Variants in TUBGCP5 observed in about 807,000 individuals in gnomAD.
TUBGCP5 encodes the protein tubulin gamma complex component 5.
Under a neutral mutation model 134.7 loss-of-function variants are expected in TUBGCP5, and 98 were observed. That is an observed-to-expected ratio of 0.73 (90% CI 0.62 to 0.86). The LOEUF is 0.86. Ranked by LOEUF, TUBGCP5 falls within the 40% of genes least tolerant of loss-of-function variation. TUBGCP5 has a pLI of 0.00. For missense variants in TUBGCP5, 1,150 were observed against 1,244.8 expected (o/e 0.92, Z 1.15); for synonymous variants, 456 against 431.4 (o/e 1.06, Z -0.71).
chr15:23,024,732 C>G lies in TUBGCP5; in HGVS notation c.921+5G>C. ...CTTAAATTACCATAAATACAAATAACTTACATGTGTTAAATGAGTTACTAT... is the reference window on the plus strand; with the variant it reads ...CTTAAATTACCATAAATACAAATAAGTTACATGTGTTAAATGAGTTACTAT... On this transcript the variant is annotated splice_donor_5th_base_variant and intron_variant, in intron 9 of 22. Transcript: ENST00000615383. 1 of 1,390,476 alleles carries G rather than the reference C, an allele frequency of 7.2e-7. No individual in the cohort carries two copies. Among genetic ancestry groups the G allele is most frequent in the South Asian group, 1.3e-5 (1 of 77,268 alleles). 86.1% of individuals were successfully genotyped at this position (1,390,476 alleles called of 1,614,324 possible). A position where few individuals can be genotyped will look rare whatever the true frequency, so the allele number is the denominator to read the frequency against.
chr15:23,014,346 G>A (rs2065200366), intron 13 of TUBGCP5, among the ~76,000 whole-genome samples: 1 of 152,212 alleles, frequency 6.6e-6, no homozygotes, highest in South Asian at 2.1e-4. Flanking sequence ...GGCATCTTTG[G>A]TTGGAGAAGA....
intron 1 of TUBGCP5, among the ~76,000 whole-genome samples, chr15:23,037,571 G>A (rs2066668895): frequency 6.6e-6 from 1 of 152,122 alleles, no homozygotes; most frequent in African/African-American, 2.4e-5. Flanking sequence ...CTGAGATACA[G>A]TTGTCAAATA....
intron 2 of TUBGCP5, 45 bp from the exon 3 acceptor site, chr15:23,037,050 T>TA (rs760900171): frequency 3.4e-5 from 54 of 1,597,666 alleles, no homozygotes; most frequent in Non-Finnish European, 4.4e-5. Flanking sequence ...AAAAGATCTA[T>TA]AAGAAAATAC....
intron 7 of TUBGCP5, among the ~76,000 whole-genome samples, chr15:23,026,449 T>C (rs774297585): frequency 2.6e-5 from 4 of 152,182 alleles, no homozygotes; most frequent in South Asian, 2.1e-4. Flanking sequence ...CTATGTAATG[T>C]TGTTTTCTGG....
chr15:22,991,257 C>A (rs1346907132), intron 23 of TUBGCP5, among the ~76,000 whole-genome samples: 2 of 152,032 alleles, frequency 1.3e-5, no homozygotes, highest in African/African-American at 4.8e-5. Flanking sequence ...ACCACCACAC[C>A]CGGCTAATTT....
downstream of TUBGCP5, among the ~76,000 whole-genome samples, chr15:22,994,244 C>T (rs775613274): frequency 2.1e-4 from 32 of 152,038 alleles, no homozygotes; most frequent in Non-Finnish European, 2.9e-5. Flanking sequence ...CCCACCACCA[C>T]GCCTGGCTAA....
At chr15:22,999,166 G>A (rs2064231227), downstream of TUBGCP5, 1 of 151,996 alleles carries the variant, frequency 6.6e-6, no homozygotes, top group African/African-American at 2.4e-5. Context: ...AGCAGCAAAA[G>A]GATAATAAAA....
chr15:23,009,098 T>C (rs1023926699), intron 15 of TUBGCP5, among the ~76,000 whole-genome samples: 2 of 152,088 alleles, frequency 1.3e-5, no homozygotes, highest in African/African-American at 4.8e-5. Context: ...TATAACATTA[T>C]AGAAAATTGG....
intron 18 of TUBGCP5, 155 bp downstream of exon 18, chr15:23,005,897 C>G (rs1213566320): frequency 2.5e-6 from 2 of 793,740 alleles, no homozygotes; most frequent in Non-Finnish European, 3.8e-6. Flanking sequence ...GAATACGCAC[C>G]ATTTTGGCAT....
At chr15:22,985,547 A>T (rs990423760) in intron 23 of TUBGCP5, among the ~76,000 whole-genome samples, 1 of 152,126 alleles carries the variant, frequency 6.6e-6, no homozygotes, top group African/African-American at 2.4e-5. Context: ...CAGCTTATTT[A>T]TAATCGCAAA....
chr15:23,009,048 C>T (rs1192805469), intron 15 of TUBGCP5, among the ~76,000 whole-genome samples, 167 bp from the exon 16 acceptor site: 1 of 152,036 alleles, frequency 6.6e-6, no homozygotes, highest in African/African-American at 2.4e-5. Flanking sequence ...ATAATAAAAA[C>T]AGCATAGGTT....
intron 3 of TUBGCP5, among the ~76,000 whole-genome samples, chr15:23,035,822 A>C (rs1248144836): frequency 6.6e-6 from 1 of 152,136 alleles, no homozygotes; most frequent in Non-Finnish European, 1.5e-5. Flanking sequence ...AGCAGACAAG[A>C]CTGCACAGCC....
downstream of TUBGCP5, among the ~76,000 whole-genome samples, chr15:22,997,973 A>G (rs563469912): frequency 1.1e-4 from 17 of 152,012 alleles, no homozygotes; most frequent in Non-Finnish European, 1.9e-4. Context: ...AAAATTTAAT[A>G]GTAAGCATAA....
chr15:23,025,723 C>T (rs1307834095), intron 8 of TUBGCP5, among the ~76,000 whole-genome samples: 2 of 150,906 alleles, frequency 1.3e-5, no homozygotes, highest in East Asian at 2.0e-4. Context: ...CCCAGCTACT[C>T]GGGAGGCTGA....
At chr15:23,039,370 G>A in intron 1 of TUBGCP5, 28 bp downstream of exon 1, 1 of 1,394,262 alleles carries the variant, frequency 7.2e-7, no homozygotes, top group Non-Finnish European at 9.4e-7. Context: ...CTGTGGCCGG[G>A]AACCCGCCCG....
rs114687816 is a variant in TUBGCP5, at chr15:23,037,258, T to C, written c.147-106A>G. 1.2e-3 allele frequency: 1,280 copies of C among 1,064,444 alleles called. 16 individuals are homozygous for C. In the African/African-American group the frequency reaches 0.018, roughly 15 times the overall value. 65.9% of individuals were successfully genotyped at this position (1,064,444 alleles called of 1,614,324 possible). A position where few individuals can be genotyped will look rare whatever the true frequency, so the allele number is the denominator to read the frequency against. On this transcript the variant is annotated intron_variant, in intron 1 of 22. Transcript: ENST00000615383. ...CATATGCTCTGTACTCAGCTACACATTTCCAGAATGGAGTGTACCTTGTCC... is the reference window on the plus strand; with the variant it reads ...CATATGCTCTGTACTCAGCTACACACTTCCAGAATGGAGTGTACCTTGTCC...
At chr15:23,003,642 T>G (rs1489296732) in intron 20 of TUBGCP5, among the ~76,000 whole-genome samples, 3 of 103,790 alleles carry the variant, frequency 2.9e-5, no homozygotes, top group African/African-American at 6.7e-5. Context: ...GTTTTTTTTT[T>G]TTTTTTTTTT....
intron 6 of TUBGCP5, among the ~76,000 whole-genome samples, chr15:23,030,600 T>TAAAAAAAAAAAAAAAA (rs1567162272): frequency 8.4e-6 from 1 of 118,768 alleles, no homozygotes; most frequent in African/African-American, 3.3e-5. Flanking sequence ...CCTTCTCCAA[T>TAAAAAAAAAAAAAAAA]TAAAAAAAAA....
At chr15:23,022,436 T>C (rs959654144) in intron 10 of TUBGCP5, among the ~76,000 whole-genome samples, 4 of 152,210 alleles carry the variant, frequency 2.6e-5, no homozygotes, top group African/African-American at 9.7e-5. Context: ...AGAAAGTCAC[T>C]TGACCTTACT....
Sources: gnomAD v4.1 joint callset for allele counts (sites outside exome capture counted in the v4.1 genomes callset) on GRCh38, gnomAD v4.1.1 for gene constraint, MANE v1.5 for transcripts, NCBI Gene and HGNC (gene_info 2026-07-23, HGNC 2026-07-21) for gene names.